Variants in RAD51B observed in about 807,000 individuals in gnomAD.
RAD51B encodes RAD51 paralog B.
A neutral mutation model predicts 42.2 loss-of-function variants in RAD51B; 38 were observed. That is an observed-to-expected ratio of 0.90 (90% CI 0.70 to 1.18). The LOEUF is 1.18. Among genes scored for constraint, RAD51B ranks in the 50% most tolerant of loss-of-function variants. The pLI is 0.00. For missense variants in RAD51B, 373 were observed against 400.7 expected, an observed-to-expected ratio of 0.93 and a Z score of 0.59; for synonymous variants, 154 against 145.2, an observed-to-expected ratio of 1.06 and a Z score of -0.43.
chr14:67,856,692 A>G (rs1359653558), intron 4 of RAD51B, among the ~76,000 whole-genome samples: 2 of 152,204 alleles, frequency 1.3e-5, no homozygotes, highest in East Asian at 1.9e-4. Flanking sequence ...CAGATTTTAC[A>G]TTCCTCTCAG....
chr14:67,948,977 T>C (rs1253608642), intron 7 of RAD51B, among the ~76,000 whole-genome samples: 1 of 144,284 alleles, frequency 6.9e-6, no homozygotes, highest in Non-Finnish European at 1.5e-5. Context: ...CATACCTTAA[T>C]TTAAAAGTTT....
chr14:67,873,906 G>T (rs1472643580), intron 5 of RAD51B, among the ~76,000 whole-genome samples: 1 of 112,884 alleles, frequency 8.9e-6, no homozygotes, highest in Non-Finnish European at 2.2e-5. Context: ...CATGGACACA[G>T]GAAGGGGAAC....
At chr14:67,874,573 G>A (rs2042663197) in intron 5 of RAD51B, among the ~76,000 whole-genome samples, 2 of 152,230 alleles carry the variant, frequency 1.3e-5, no homozygotes, top group Admixed American at 1.3e-4. Context: ...TAACCAGACT[G>A]AGTTACAGGG....
intron 7 of RAD51B, among the ~76,000 whole-genome samples, chr14:67,969,275 G>T (rs1026630519): frequency 3.3e-5 from 5 of 152,170 alleles, no homozygotes; most frequent in African/African-American, 9.7e-5. Flanking sequence ...GCAATTGTTG[G>T]TTTCAGGAGG....
At chr14:67,998,662 T>C (rs1366301179) in intron 7 of RAD51B, among the ~76,000 whole-genome samples, 2 of 152,190 alleles carry the variant, frequency 1.3e-5, no homozygotes, top group East Asian at 3.8e-4. Flanking sequence ...TCTGGGCAGA[T>C]GGGAAAAGGA....
chr14:68,439,544 A>T (rs545239435), intron 9 of RAD51B, among the ~76,000 whole-genome samples: 1 of 152,320 alleles, frequency 6.6e-6, no homozygotes, highest in South Asian at 2.1e-4. Context: ...TACATGGTTA[A>T]TATAAGACCC....
intron 8 of RAD51B, among the ~76,000 whole-genome samples, chr14:68,357,942 A>G (rs2082942406): frequency 6.6e-6 from 1 of 152,216 alleles, no homozygotes; most frequent in South Asian, 2.1e-4. Context: ...TTGAACACTT[A>G]GAGGCCATTG....
At chr14:67,848,696 A>G (rs2041705737) in intron 4 of RAD51B, among the ~76,000 whole-genome samples, 2 of 152,070 alleles carry the variant, frequency 1.3e-5, no homozygotes, top group South Asian at 4.1e-4. Context: ...TATGTACTTA[A>G]GTGTGTTTTT....
chr14:67,905,416 G>A (rs1461187903), intron 7 of RAD51B, among the ~76,000 whole-genome samples: 1 of 151,976 alleles, frequency 6.6e-6, no homozygotes, highest in Non-Finnish European at 1.5e-5. Flanking sequence ...GGTTCTATAT[G>A]AATTTTAGAA....
At position 68,079,479 on chromosome 14, in the gene RAD51B, T is replaced by C. The variant is rs140175255; in HGVS notation, c.756+192275T>C. Among the ~76,000 whole-genome samples, 453 of 152,352 alleles carry C rather than the reference T, an allele frequency of 3.0e-3. 2 individuals carry two copies. The highest frequency in any genetic ancestry group is 0.01 in the African/African-American group (435 of 41,598). On this transcript the variant is annotated intron_variant, in intron 7 of 10. Transcript: ENST00000471583. Reference sequence around the variant, plus strand: ...GCATTTACTTCTGCTTAAACTCTGATATATTTGAGAAAGCAGAAGGTACCA... The same window carrying C: ...GCATTTACTTCTGCTTAAACTCTGACATATTTGAGAAAGCAGAAGGTACCA...
At chr14:68,316,980 A>G (rs1033492349) in intron 8 of RAD51B, among the ~76,000 whole-genome samples, 5 of 152,224 alleles carry the variant, frequency 3.3e-5, no homozygotes, top group African/African-American at 1.2e-4. Flanking sequence ...AATAATGATC[A>G]TAATTGGAAT....
intron 7 of RAD51B, among the ~76,000 whole-genome samples, chr14:67,990,242 C>T (rs371268453): frequency 1.1e-4 from 17 of 151,978 alleles, no homozygotes; most frequent in African/African-American, 1.5e-4. Context: ...ATAATCCTCC[C>T]GCCTCACCTC....
chr14:68,078,122 T>G (rs2076862413), intron 7 of RAD51B, among the ~76,000 whole-genome samples: 1 of 152,188 alleles, frequency 6.6e-6, no homozygotes, highest in Non-Finnish European at 1.5e-5. Context: ...AATCCAATTA[T>G]AGTCTTTATT....
At chr14:68,093,226 G>T (rs2077133934) in intron 7 of RAD51B, among the ~76,000 whole-genome samples, 1 of 152,040 alleles carries the variant, frequency 6.6e-6, no homozygotes, top group African/African-American at 2.4e-5. Context: ...AAATGAGTTA[G>T]GGAGGATTCC....
At chr14:68,116,816 G>C (rs2077556980) in intron 7 of RAD51B, among the ~76,000 whole-genome samples, 1 of 152,118 alleles carries the variant, frequency 6.6e-6, no homozygotes, top group Admixed American at 6.6e-5. Flanking sequence ...AAAGCTACAG[G>C]CAAGAAAAGT....
chr14:67,999,678 T>A (rs2075445571), intron 7 of RAD51B, among the ~76,000 whole-genome samples: 1 of 152,208 alleles, frequency 6.6e-6, no homozygotes, highest in African/African-American at 2.4e-5. Flanking sequence ...AAATTAAAAT[T>A]CTTTTATAAA....
At chr14:68,225,573 C>T (rs139080379) in intron 7 of RAD51B, among the ~76,000 whole-genome samples, 12 of 152,268 alleles carry the variant, frequency 7.9e-5, no homozygotes, top group Non-Finnish European at 1.5e-4. Context: ...TAGAACCATA[C>T]TTGGAAATTG....
intron 10 of RAD51B, among the ~76,000 whole-genome samples, chr14:68,586,074 CCCATCACCT>C (rs1159443633): frequency 6.9e-6 from 1 of 144,338 alleles, no homozygotes; most frequent in Non-Finnish European, 1.5e-5. Context: ...CTCCCTTACC[CCCATCACCT>C]CCTAGCCTAT....
intron 7 of RAD51B, among the ~76,000 whole-genome samples, chr14:68,086,365 G>A (rs1048885949): frequency 3.9e-5 from 6 of 152,126 alleles, no homozygotes; most frequent in Admixed American, 1.3e-4. Context: ...CCATGTGTCC[G>A]CCTGCTAGGG....
Sources: allele counts gnomAD v4.1 joint callset (sites outside exome capture counted in the v4.1 genomes callset), GRCh38; gene constraint gnomAD v4.1.1; transcripts MANE v1.5; gene names NCBI Gene and HGNC (gene_info 2026-07-23, HGNC 2026-07-21).